COL5A2: variants seen among roughly 807,000 people sequenced by gnomAD.
COL5A2 encodes the protein collagen alpha-2(V) chain.
Under a neutral mutation model 208.2 loss-of-function variants are expected in COL5A2, and 23 were observed. That is an observed-to-expected ratio of 0.11 (90% CI 0.08 to 0.16). The LOEUF is 0.16. Among genes scored for constraint, COL5A2 ranks in the 10% least tolerant of loss-of-function variants. The probability of loss-of-function intolerance (pLI) is 1.00; values close to 1 mark genes in which losing one functional copy is unlikely to be tolerated. For synonymous variants in COL5A2, 625 were observed against 628.5 expected (o/e 0.99, Z 0.08); for missense variants, 1,590 against 1,956.4 (o/e 0.81, Z 3.53).
rs759838096 is a variant in COL5A2, at chr2:189,063,012, T to C, written c.1921A>G (p.Arg641Gly). 6.2e-7 allele frequency: 1 copy of C among 1,614,208 alleles called. No individual in the cohort carries two copies. The highest frequency in any genetic ancestry group is 8.5e-7 in the Non-Finnish European group (1 of 1,180,010). The change falls in exon 28 of 54, where the codon AGG becomes GGG. Residue 641 changes from arginine to glycine, a missense_variant and splice_region_variant. Physicochemically the swap from Arg to Gly is moderately radical, Grantham distance 125. Coordinates refer to ENST00000374866, the MANE Select transcript of COL5A2 (RefSeq NM_000393.5). ...EAGNAGVPGQ[R>G]GAPGKDGEVG... is the part of the protein sequence containing the mutation. The stretch of plus-strand genomic sequence containing the variant: ...TTTAGCAGAAAATGTATATTTACCC[T>C]CTGCCCAGGAACTCCAGCATTTCCT...
the COL5A2 span, among the ~76,000 whole-genome samples, chr2:189,412,978 T>G: frequency 3.9e-5 from 6 of 152,194 alleles, no homozygotes; most frequent in African/African-American, 1.4e-4. Flanking sequence ...GTTGTATGGC[T>G]GTTAGAAGAG....
chr2:189,105,459 A>C (rs1297083050), intron 2 of COL5A2, among the ~76,000 whole-genome samples: 1 of 151,538 alleles, frequency 6.6e-6, no homozygotes, highest in Non-Finnish European at 1.5e-5. Flanking sequence ...ATTATGAGAA[A>C]ATTTGACAGT....
chr2:189,126,719 T>C (rs1328702468), intron 1 of COL5A2, among the ~76,000 whole-genome samples: 1 of 152,192 alleles, frequency 6.6e-6, no homozygotes, highest in African/African-American at 2.4e-5. Flanking sequence ...AAATGAAATA[T>C]ATGCAGTCCA....
At chr2:189,326,868 C>T in the COL5A2 span, among the ~76,000 whole-genome samples, 1 of 151,744 alleles carries the variant, frequency 6.6e-6, no homozygotes, top group Non-Finnish European at 1.5e-5. Flanking sequence ...GTCAGGAGTT[C>T]AAGACCAGCC....
At chr2:189,270,818 C>T in the COL5A2 span, among the ~76,000 whole-genome samples, 1 of 152,192 alleles carries the variant, frequency 6.6e-6, no homozygotes, top group African/African-American at 2.4e-5. Context: ...TCTCAGGATA[C>T]AAAATCAATG....
intron 26 of COL5A2, 39 bp from the exon 27 acceptor site, chr2:189,063,309 T>A (rs943807256): frequency 6.5e-7 from 1 of 1,550,296 alleles, no homozygotes; most frequent in Non-Finnish European, 8.9e-7. Flanking sequence ...TTCATGTAAG[T>A]TGTTTCTAAA....
chr2:189,111,468 T>G (rs1463859969), intron 1 of COL5A2, among the ~76,000 whole-genome samples: 1 of 152,180 alleles, frequency 6.6e-6, no homozygotes, highest in Non-Finnish European at 1.5e-5. Flanking sequence ...TTGCACAACT[T>G]GACCACTTTT....
intron 51 of COL5A2, among the ~76,000 whole-genome samples, chr2:189,038,879 C>T (rs1189765047): frequency 2.6e-5 from 4 of 151,962 alleles, no homozygotes; most frequent in African/African-American, 7.2e-5. Context: ...TTAGTAGAGA[C>T]GGGGTTTCAC....
chr2:189,371,376 G>C, the COL5A2 span, among the ~76,000 whole-genome samples: 1 of 152,302 alleles, frequency 6.6e-6, no homozygotes, highest in South Asian at 2.1e-4. Flanking sequence ...CTTTGGAACT[G>C]GGTAATAGGC....
At chr2:189,036,120 AT>A (rs1452841007) in intron 52 of COL5A2, among the ~76,000 whole-genome samples, 2 of 152,114 alleles carry the variant, frequency 1.3e-5, no homozygotes, top group Non-Finnish European at 2.9e-5. Flanking sequence ...TAAACTAAGA[AT>A]TTTATATCCA....
At chr2:189,282,619 A>G in the COL5A2 span, among the ~76,000 whole-genome samples, 8 of 152,220 alleles carry the variant, frequency 5.3e-5, no homozygotes, top group Admixed American at 3.9e-4. Context: ...ATTTCATATG[A>G]CAACATACAA....
the COL5A2 span, among the ~76,000 whole-genome samples, chr2:189,304,216 T>G: frequency 1.3e-5 from 2 of 152,212 alleles, no homozygotes; most frequent in Admixed American, 6.5e-5. Flanking sequence ...ATTTCATAAG[T>G]AAATAATCAT....
upstream of COL5A2, among the ~76,000 whole-genome samples, chr2:189,228,411 T>C (rs1689444611): frequency 6.6e-6 from 1 of 151,632 alleles, no homozygotes; most frequent in African/African-American, 2.4e-5. Context: ...CACGTTACAC[T>C]TGACTGAAGA....
At chr2:189,231,228 G>A in the COL5A2 span, among the ~76,000 whole-genome samples, 8 of 150,308 alleles carry the variant, frequency 5.3e-5, no homozygotes, top group East Asian at 1.4e-3. Flanking sequence ...CATGCAAGAT[G>A]AAAAACTTCT....
chr2:189,176,411 T>A (rs1688679365), intron 1 of COL5A2, among the ~76,000 whole-genome samples: 1 of 152,306 alleles, frequency 6.6e-6, no homozygotes, highest in East Asian at 1.9e-4. Context: ...TTGTTTATAT[T>A]ACCTGCCTGG....
rs770068275 is a variant in COL5A2 at position 189,057,420 on chromosome 2, G to A, written c.2237C>T (p.Pro746Leu). Residue 746 changes from proline (P) to leucine (L), a missense_variant, in exon 34 of 54, where the codon CCA becomes CTA. Transcript: ENST00000374866. ...ATCTCCAGGGGTCCCAGATGGACCTGGACTGCCCTAAAATGAACCAACATT... is the reference window on the plus strand; with the variant it reads ...ATCTCCAGGGGTCCCAGATGGACCTAGACTGCCCTAAAATGAACCAACATT... ...GHGPDGPKGS[P>L]GPSGTPGDTG... 9 of 1,610,482 alleles carry A rather than the reference G, an allele frequency of 5.6e-6. No individual in the cohort carries two copies. Among genetic ancestry groups the A allele is most frequent in the Middle Eastern group, 1.6e-4 (1 of 6,084 alleles).
At chr2:189,104,416 A>G in intron 2 of COL5A2, 139 bp from the exon 3 acceptor site, 1 of 674,440 alleles carries the variant, frequency 1.5e-6, no homozygotes, top group Non-Finnish European at 2.7e-6. Context: ...CAGTAAGCAG[A>G]ATTCAAAAGG....
intron 1 of COL5A2, among the ~76,000 whole-genome samples, chr2:189,116,052 C>A (rs185352263): frequency 2.0e-4 from 30 of 152,254 alleles, no homozygotes; most frequent in African/African-American, 7.0e-4. Flanking sequence ...CTACAGCAAC[C>A]CTTCAGCCTT....
the COL5A2 span, among the ~76,000 whole-genome samples, chr2:189,286,008 A>G: frequency 1.3e-5 from 2 of 152,016 alleles, no homozygotes; most frequent in Non-Finnish European, 2.9e-5. Flanking sequence ...TCCACCAAGC[A>G]GCTATTATCT....
Sources: allele counts gnomAD v4.1 joint callset (sites outside exome capture counted in the v4.1 genomes callset), GRCh38; gene constraint gnomAD v4.1.1; transcripts MANE v1.5; gene names NCBI Gene and HGNC (gene_info 2026-07-23, HGNC 2026-07-21).